The following CPQ variants were observed in gnomAD, a reference collection of about 807,000 sequenced individuals.
The protein encoded by CPQ is Ser-Met dipeptidase.
A neutral mutation model predicts 45.7 loss-of-function variants in CPQ; 37 were observed. That is an observed-to-expected ratio of 0.81 (90% CI 0.62 to 1.07). The LOEUF (loss-of-function observed/expected upper bound fraction) is 1.07, where lower values mean the gene tolerates loss of function less well. Among genes scored for constraint, CPQ ranks in the 50% least tolerant of loss-of-function variants. The pLI is 0.00. For synonymous variants in CPQ, 186 were observed against 205.8 expected (o/e 0.90, Z 0.82); for missense variants, 537 against 572.9 (o/e 0.94, Z 0.64).
At chr8:96,807,479 C>T (rs1216729980) in intron 2 of CPQ, among the ~76,000 whole-genome samples, 2 of 152,074 alleles carry the variant, frequency 1.3e-5, no homozygotes, top group African/African-American at 2.4e-5. Context: ...GTGATCCACC[C>T]GCCTGGACCT....
intron 1 of CPQ, among the ~76,000 whole-genome samples, chr8:96,745,164 TG>T (rs1278320675): frequency 2.0e-5 from 3 of 152,032 alleles, no homozygotes; most frequent in East Asian, 3.9e-4. Flanking sequence ...AAAAATTAGC[TG>T]GGCATGGTGG....
intron 2 of CPQ, among the ~76,000 whole-genome samples, chr8:96,787,160 C>G (rs1461771123): frequency 1.3e-5 from 2 of 152,008 alleles, no homozygotes; most frequent in African/African-American, 4.8e-5. Flanking sequence ...TATCTTTACT[C>G]TCATCTCATA....
chr8:96,959,265 G>GAA (rs1294013917), intron 4 of CPQ, among the ~76,000 whole-genome samples: 4 of 152,156 alleles, frequency 2.6e-5, no homozygotes. Flanking sequence ...AGTCTGTTGA[G>GAA]ATTATAGAGA....
At chr8:96,807,480 G>A (rs1274295893) in intron 2 of CPQ, among the ~76,000 whole-genome samples, 1 of 152,056 alleles carries the variant, frequency 6.6e-6, no homozygotes, top group East Asian at 1.9e-4. Context: ...TGATCCACCC[G>A]CCTGGACCTC....
chr8:96,757,649 A>G (rs1453966275), intron 1 of CPQ, among the ~76,000 whole-genome samples: 2 of 151,360 alleles, frequency 1.3e-5, no homozygotes, highest in Non-Finnish European at 2.9e-5. Flanking sequence ...CTTGTTCTCT[A>G]TTTATTGTGT....
At chr8:96,703,303 C>G (rs185310467) in intron 1 of CPQ, among the ~76,000 whole-genome samples, 86 of 152,234 alleles carry the variant, frequency 5.6e-4, no homozygotes, top group Middle Eastern at 3.4e-3. Flanking sequence ...GTCTTCTAAG[C>G]TATGTGGCCA....
At chr8:97,106,427 A>G (rs1308491680) in intron 7 of CPQ, among the ~76,000 whole-genome samples, 1 of 152,180 alleles carries the variant, frequency 6.6e-6, no homozygotes, top group Non-Finnish European at 1.5e-5. Flanking sequence ...AGCACCTACT[A>G]TGTGTCAGGC....
intron 2 of CPQ, among the ~76,000 whole-genome samples, chr8:96,800,891 A>G (rs1386360826): frequency 2.0e-5 from 3 of 152,164 alleles, no homozygotes. Context: ...TTAAAAGCAA[A>G]TAGGACAAAG....
chr8:96,701,121 C>A (rs940072426), intron 1 of CPQ, among the ~76,000 whole-genome samples: 2 of 152,130 alleles, frequency 1.3e-5, no homozygotes, highest in Admixed American at 6.5e-5. Flanking sequence ...TGGTTATATA[C>A]AATATAGTGG....
chr8:96,670,310 A>ATTTTTTTTT (rs76070257), intron 1 of CPQ, among the ~76,000 whole-genome samples: 8 of 144,054 alleles, frequency 5.6e-5, no homozygotes, highest in African/African-American at 2.1e-4. Flanking sequence ...GAGTGACTCA[A>ATTTTTTTTT]TTTTTTTTTT....
chr8:96,687,304 A>T (rs1034971454), intron 1 of CPQ, among the ~76,000 whole-genome samples: 3 of 151,402 alleles, frequency 2.0e-5, no homozygotes, highest in African/African-American at 7.3e-5. Flanking sequence ...CCTCCGCCTC[A>T]TAGATTAAAG....
At chr8:96,650,397 C>T (rs950075786) in intron 1 of CPQ, among the ~76,000 whole-genome samples, 4 of 152,190 alleles carry the variant, frequency 2.6e-5, no homozygotes, top group Admixed American at 6.5e-5. Flanking sequence ...ATTCGCATAG[C>T]GCCTTATATT....
At chr8:97,140,026 A>G (rs1484390682) in intron 7 of CPQ, among the ~76,000 whole-genome samples, 1 of 151,632 alleles carries the variant, frequency 6.6e-6, no homozygotes, top group African/African-American at 2.4e-5. Flanking sequence ...AAAAAAACAG[A>G]GAAGACACTG....
chr8:97,102,153 T>C (rs962474878), intron 7 of CPQ, among the ~76,000 whole-genome samples: 1 of 152,142 alleles, frequency 6.6e-6, no homozygotes, highest in Non-Finnish European at 1.5e-5. Flanking sequence ...TTGTTTGTTT[T>C]GAAAATAAAA....
chr8:96,748,495 G>A (rs1430321526), intron 1 of CPQ, among the ~76,000 whole-genome samples: 1 of 151,346 alleles, frequency 6.6e-6, no homozygotes, highest in Non-Finnish European at 1.5e-5. Flanking sequence ...GTACGATCTG[G>A]TACAATTTTA....
chr8:96,947,183 T>TG (rs1407992560), intron 4 of CPQ, among the ~76,000 whole-genome samples: 1 of 152,174 alleles, frequency 6.6e-6, no homozygotes, highest in Non-Finnish European at 1.5e-5. Flanking sequence ...TGAGATATAT[T>TG]GGTACAGCAT....
At chr8:97,129,677 T>G (rs1468723299) in intron 7 of CPQ, among the ~76,000 whole-genome samples, 1 of 152,154 alleles carries the variant, frequency 6.6e-6, no homozygotes, top group Non-Finnish European at 1.5e-5. Context: ...TCCACTGCAT[T>G]ACAATCAGGA....
intron 1 of CPQ, among the ~76,000 whole-genome samples, chr8:96,699,201 A>G (rs1445413281): frequency 6.6e-6 from 1 of 152,168 alleles, no homozygotes; most frequent in East Asian, 1.9e-4. Flanking sequence ...AGTGGAGGTC[A>G]TTTATGTTGA....
chr8:97,041,956 T>A (rs1810134434), intron 6 of CPQ, among the ~76,000 whole-genome samples: 1 of 152,192 alleles, frequency 6.6e-6, no homozygotes, highest in Non-Finnish European at 1.5e-5. Context: ...CTTTTTTGGA[T>A]GTGTCTCTGC....
Sources: allele counts gnomAD v4.1 joint callset (sites outside exome capture counted in the v4.1 genomes callset), GRCh38; gene constraint gnomAD v4.1.1; transcripts MANE v1.5; gene names NCBI Gene and HGNC (gene_info 2026-07-23, HGNC 2026-07-21).